Variants in LIPC observed in about 807,000 individuals in gnomAD.
LIPC encodes lipase C, hepatic type.
LIPC carries 44 observed loss-of-function variants against 50.7 expected under a neutral mutation model. That is an observed-to-expected ratio of 0.87 (90% confidence interval 0.68 to 1.11). The LOEUF is 1.11. Ranked by LOEUF, LIPC falls within the 50% of genes most tolerant of loss-of-function variation. LIPC has a pLI of 0.00. For missense variants in LIPC, 697 were observed against 648.2 expected (o/e 1.08, Z -0.82); for synonymous variants, 271 against 256.4 (o/e 1.06, Z -0.54).
intron 8 of LIPC, among the ~76,000 whole-genome samples, chr15:58,564,407 G>A (rs67897154): frequency 0.41 from 62,123 of 151,630 alleles, 14,985 homozygotes; most frequent in Non-Finnish European, 0.55. Flanking sequence ...CCAGGGATAC[G>A]AAGGAGCTGG....
chr15:58,489,852 A>G (rs146039774), intron 1 of LIPC, among the ~76,000 whole-genome samples: 1 of 152,238 alleles, frequency 6.6e-6, no homozygotes, highest in East Asian at 1.9e-4. Context: ...TTCAACTATA[A>G]ACTAAATTCC....
intron 1 of LIPC, among the ~76,000 whole-genome samples, chr15:58,443,586 T>C (rs1297105110): frequency 6.6e-6 from 1 of 152,206 alleles, no homozygotes; most frequent in Non-Finnish European, 1.5e-5. Context: ...CCAGGTTGTT[T>C]TTATGAGCTG....
Position 58,438,415 on chromosome 15 carries a change from C to T in LIPC, c.88+6295C>T, listed in dbSNP as rs114911452. The stretch of plus-strand genomic sequence containing the variant: ...TGTGCGCTGGCCCCCAGGACAGTGA[C>T]CAGTTTCGAGTGGGGCGCTCTCAGC... On this transcript the variant is annotated intron_variant, in intron 1 of 8. Coordinates refer to ENST00000299022, the MANE Select transcript of LIPC (RefSeq NM_000236.3). 1.3e-3 allele frequency among the ~76,000 whole-genome samples: 192 copies of T among 152,300 alleles called. 1 individual carries two copies. The highest frequency in any genetic ancestry group is 2.3e-3 in the Non-Finnish European group (159 of 68,022).
At chr15:58,493,016 C>A (rs1239747112) in intron 1 of LIPC, among the ~76,000 whole-genome samples, 7 of 152,114 alleles carry the variant, frequency 4.6e-5, no homozygotes, top group African/African-American at 1.7e-4. Context: ...GCCAGGTGCT[C>A]TTCCATTCTC....
In LIPC at chr15:58,472,372, C is replaced by T. The variant is rs555401159; in HGVS notation, c.88+40252C>T. On this transcript the variant is annotated intron_variant, in intron 1 of 8. Coordinates refer to ENST00000299022, the MANE Select transcript of LIPC (RefSeq NM_000236.3). ...GGTGAATCACATGAGGCCAGGTGTTCAAGACCAGCCTGACCAACATGGTGA... is the reference window on the plus strand; with the variant it reads ...GGTGAATCACATGAGGCCAGGTGTTTAAGACCAGCCTGACCAACATGGTGA... 1.1e-4 allele frequency among the ~76,000 whole-genome samples: 16 copies of T among 150,488 alleles called. No individual in the cohort carries two copies. The South Asian group carries it at 2.3e-3, about 22-fold the overall frequency.
intron 1 of LIPC, among the ~76,000 whole-genome samples, chr15:58,529,026 C>T (rs1892871505): frequency 6.6e-6 from 1 of 152,150 alleles, no homozygotes; most frequent in African/African-American, 2.4e-5. Flanking sequence ...TGTCGAAGGT[C>T]CTCTGCCCCC....
intron 1 of LIPC, chr15:58,533,033 CT>C: frequency 2.6e-6 from 1 of 384,456 alleles, no homozygotes; most frequent in Non-Finnish European, 3.6e-6. Flanking sequence ...CCATCAACCC[CT>C]TTTCCTGGAT....
At chr15:58,479,825 G>A (rs1377347980) in intron 1 of LIPC, among the ~76,000 whole-genome samples, 4 of 152,120 alleles carry the variant, frequency 2.6e-5, no homozygotes, top group Non-Finnish European at 5.9e-5. Flanking sequence ...CTGTTGGTGA[G>A]GGAAAGGACA....
chr15:58,504,881 A>G (rs953392520), intron 1 of LIPC, among the ~76,000 whole-genome samples: 4 of 152,178 alleles, frequency 2.6e-5, no homozygotes, highest in Non-Finnish European at 5.9e-5. Context: ...CCTGTTTTAC[A>G]TGGCCTGCCA....
At chr15:58,539,449 G>C (rs1237388723) in intron 2 of LIPC, among the ~76,000 whole-genome samples, 1 of 152,120 alleles carries the variant, frequency 6.6e-6, no homozygotes, top group African/African-American at 2.4e-5. Context: ...GGAGAGAAAG[G>C]ATATTATTGG....
At position 58,548,488 on chromosome 15, in the gene LIPC, A is replaced by G. The variant is rs1893619959; in HGVS notation, c.967A>G (p.Thr323Ala). The G allele has an allele frequency of 1.2e-6, 2 of 1,610,116 alleles. No homozygotes were observed. Among genetic ancestry groups the G allele is most frequent in the East Asian group, 4.5e-5 (2 of 44,842 alleles). ...GAGCTGCAAGAAGGGCCGCTGCAAC[A>G]CGCTGGGCTACCACGTCCGCCAGGA... Reference protein sequence around the residue: ...CLSCKKGRCNTLGYHVRQEPR... With the variant: ...CLSCKKGRCNALGYHVRQEPR... Residue 323 changes from threonine (T) to alanine (A), a missense_variant, in exon 6 of 9, where the codon ACG (threonine) becomes GCG (alanine). Physicochemically the swap from Thr to Ala is moderately conservative, Grantham distance 58. Coordinates refer to ENST00000299022, the MANE Select transcript of LIPC (RefSeq NM_000236.3).
At chr15:58,493,476 TATA>T (rs1342364171) in intron 1 of LIPC, among the ~76,000 whole-genome samples, 1 of 151,386 alleles carries the variant, frequency 6.6e-6, no homozygotes, top group Non-Finnish European at 1.5e-5. Context: ...TTAAAATATA[TATA>T]TATTTTTTTG....
chr15:58,433,965 C>T (rs779061492), intron 1 of LIPC, among the ~76,000 whole-genome samples: 4 of 152,302 alleles, frequency 2.6e-5, no homozygotes, highest in Non-Finnish European at 5.9e-5. Flanking sequence ...GCAGGGAAGC[C>T]GGTGTCCTGT....
chr15:58,477,081 G>C (rs139442524), intron 1 of LIPC, among the ~76,000 whole-genome samples: 1 of 152,118 alleles, frequency 6.6e-6, no homozygotes, highest in Non-Finnish European at 1.5e-5. Context: ...TCCTATAGGC[G>C]GCCACATTTT....
chr15:58,499,462 T>C (rs1489815014), intron 1 of LIPC, among the ~76,000 whole-genome samples: 1 of 152,214 alleles, frequency 6.6e-6, no homozygotes, highest in Non-Finnish European at 1.5e-5. Flanking sequence ...AGGGAAGATC[T>C]GTGTTTCCCT....
chr15:58,535,811 T>A (rs1267662876), intron 1 of LIPC, among the ~76,000 whole-genome samples: 1 of 152,208 alleles, frequency 6.6e-6, no homozygotes, highest in Non-Finnish European at 1.5e-5. Flanking sequence ...CATTTTATTT[T>A]CATATGACCC....
chr15:58,465,844 G>A (rs576057404), intron 1 of LIPC, among the ~76,000 whole-genome samples: 1 of 152,248 alleles, frequency 6.6e-6, no homozygotes, highest in African/African-American at 2.4e-5. Context: ...GTGTTGTCAA[G>A]GAAGGAATAG....
chr15:58,471,331 G>GC (rs1555399326), intron 1 of LIPC, among the ~76,000 whole-genome samples: 2 of 139,002 alleles, frequency 1.4e-5, no homozygotes, highest in African/African-American at 2.8e-5. Context: ...GTAGAGATGG[G>GC]GGGGGGTGGT....
intron 1 of LIPC, among the ~76,000 whole-genome samples, chr15:58,535,462 G>T (rs1353912021): frequency 2.0e-5 from 3 of 152,228 alleles, no homozygotes; most frequent in Non-Finnish European, 4.4e-5. Context: ...CAGTCCAGTT[G>T]TTTGTGGGGC....
Sources: allele counts gnomAD v4.1 joint callset (sites outside exome capture counted in the v4.1 genomes callset), GRCh38; gene constraint gnomAD v4.1.1; transcripts MANE v1.5; gene names NCBI Gene and HGNC (gene_info 2026-07-23, HGNC 2026-07-21).